Variants in SLC25A37 observed in about 807,000 individuals in gnomAD.
SLC25A37 encodes the protein mitoferrin-1.
SLC25A37 carries 17 observed loss-of-function variants against 31.0 expected under a neutral mutation model. The ratio of observed to expected loss-of-function variants is 0.55; its 90% CI spans 0.38 to 0.82. SLC25A37 has a LOEUF of 0.82. Among genes scored for constraint, SLC25A37 ranks in the 40% least tolerant of loss-of-function variants. The pLI, the probability that SLC25A37 is intolerant of heterozygous loss-of-function variation, is 0.00. For missense variants in SLC25A37, 404 were observed against 465.8 expected, an observed-to-expected ratio of 0.87 and a Z score of 1.22; for synonymous variants, 222 against 193.0, an observed-to-expected ratio of 1.15 and a Z score of -1.24.
intron 1 of SLC25A37, among the ~76,000 whole-genome samples, chr8:23,548,019 G>A (rs1465588187): frequency 1.3e-5 from 2 of 152,124 alleles, no homozygotes; most frequent in African/African-American, 4.8e-5. Context: ...CAGCACAGAT[G>A]GGGTTAGCCC....
intron 1 of SLC25A37, among the ~76,000 whole-genome samples, chr8:23,546,587 ATATATATATAGTGTATGTGTGTGTGTGTG>A (rs1802067589): frequency 1.5e-5 from 1 of 68,166 alleles, no homozygotes; most frequent in African/African-American, 9.7e-5. Context: ...TATATAGTGT[ATATATATATAGTGTATGTGTGTGTGTGTG>A]TGTGTATATA....
intron 1 of SLC25A37, among the ~76,000 whole-genome samples, chr8:23,544,309 T>A (rs1273773089): frequency 6.6e-6 from 1 of 152,196 alleles, no homozygotes; most frequent in African/African-American, 2.4e-5. Flanking sequence ...GTGCGGTAGC[T>A]ATCCCCTCTC....
intron 1 of SLC25A37, among the ~76,000 whole-genome samples, chr8:23,533,925 C>CTT (rs202088305): frequency 7.1e-6 from 1 of 141,060 alleles, no homozygotes; most frequent in African/African-American, 2.7e-5. Context: ...ATCTCTTTCT[C>CTT]TTTTTTTTCT....
rs560022680 is a variant in SLC25A37, at chr8:23,535,405, A to G, written c.210+6193A>G. Among the ~76,000 whole-genome samples the G allele has an allele frequency of 7.2e-5, 11 of 152,106 alleles. 1 individual carries two copies. Among genetic ancestry groups the G allele is most frequent in the Admixed American group, 3.3e-4 (5 of 15,282 alleles). On this transcript the variant is annotated intron_variant, in intron 1 of 3. Coordinates refer to ENST00000519973, the MANE Select transcript of SLC25A37 (RefSeq NM_016612.4). ...GGAAACCAGGACCTCAATCAAACCC[A>G]TCTTCCTGTCACTGTCCTTCCAAAC...
chr8:23,542,844 T>A (rs1245046329), intron 1 of SLC25A37, among the ~76,000 whole-genome samples: 1 of 152,050 alleles, frequency 6.6e-6, no homozygotes, highest in Non-Finnish European at 1.5e-5. Flanking sequence ...TCTGTAAGCC[T>A]AGGCTAATGT....
At chr8:23,551,114 C>G (rs1263776118) in intron 1 of SLC25A37, among the ~76,000 whole-genome samples, 1 of 152,242 alleles carries the variant, frequency 6.6e-6, no homozygotes, top group Non-Finnish European at 1.5e-5. Context: ...GTCAAAGGTC[C>G]CCAGAGCTGC....
chr8:23,534,288 GT>G (rs1801720714), intron 1 of SLC25A37, among the ~76,000 whole-genome samples: 1 of 152,070 alleles, frequency 6.6e-6, no homozygotes, highest in Non-Finnish European at 1.5e-5. Flanking sequence ...CTTCCCTAAA[GT>G]TCCCTCAACC....
At chr8:23,546,440 AT>A (rs1332139446) in intron 1 of SLC25A37, among the ~76,000 whole-genome samples, 4 of 149,422 alleles carry the variant, frequency 2.7e-5, no homozygotes, top group African/African-American at 4.9e-5. Flanking sequence ...GTGCTTAAAA[AT>A]TTTTTTTTCT....
At chr8:23,533,859 T>C (rs931488319) in intron 1 of SLC25A37, among the ~76,000 whole-genome samples, 1 of 152,248 alleles carries the variant, frequency 6.6e-6, no homozygotes, top group African/African-American at 2.4e-5. Context: ...GCTTTGCCAC[T>C]CCCATGCCCA....
intron 1 of SLC25A37, among the ~76,000 whole-genome samples, chr8:23,558,358 A>T (rs1325379666): frequency 1.3e-5 from 2 of 152,122 alleles, no homozygotes; most frequent in Non-Finnish European, 2.9e-5. Context: ...CCTGGATCAG[A>T]GGCTCCTTAC....
Position 23,529,100 on chromosome 8 carries a change from C to T in SLC25A37, c.98C>T (p.Ser33Leu), listed in dbSNP as rs1801606612. The change falls in exon 1 of 4, where the codon TCG becomes TTG. Residue 33 changes from serine to leucine, a missense_variant. Ser to Leu is a moderately radical substitution (Grantham distance 145, BLOSUM62 -2). This residue lies in a region of SLC25A37 where 154 missense variants were observed against 153.6 expected (regional missense o/e 1.00). Coordinates refer to ENST00000519973, the MANE Select transcript of SLC25A37 (RefSeq NM_016612.4). This position sits in a 1 kb window ranked among gnomAD's most constrained non-coding sequence, Gnocchi z 4.1. ...DGGGGKDATG[S>L]EDYENLPTSA... Reference sequence around the variant, plus strand: ...GGCGGCGGCAAGGACGCCACCGGGTCGGAGGACTACGAGAACCTGCCGACT... The same window carrying T: ...GGCGGCGGCAAGGACGCCACCGGGTTGGAGGACTACGAGAACCTGCCGACT... The T allele has an allele frequency of 6.2e-7, 1 of 1,607,988 alleles. No individual in the cohort carries two copies.
At chr8:23,536,150 T>G (rs919743098) in intron 1 of SLC25A37, among the ~76,000 whole-genome samples, 1 of 152,214 alleles carries the variant, frequency 6.6e-6, no homozygotes, top group Non-Finnish European at 1.5e-5. Context: ...TTAGGCTTCC[T>G]GCTCCATTGA....
intron 1 of SLC25A37, among the ~76,000 whole-genome samples, chr8:23,565,109 G>GC (rs1246280098): frequency 6.6e-6 from 1 of 152,162 alleles, no homozygotes; most frequent in East Asian, 1.9e-4. Flanking sequence ...GAGAGACCCA[G>GC]TTTTTTTCTC....
chr8:23,550,852 G>T (rs964601550), intron 1 of SLC25A37, among the ~76,000 whole-genome samples: 1 of 152,214 alleles, frequency 6.6e-6, no homozygotes, highest in Non-Finnish European at 1.5e-5. Flanking sequence ...CCCACGGGCT[G>T]GCGGGAGCCC....
At chr8:23,571,307 C>T (rs1206309650) in intron 3 of SLC25A37, 28 bp from the exon 4 acceptor site, 4 of 1,514,154 alleles carry the variant, frequency 2.6e-6, no homozygotes, top group Non-Finnish European at 3.5e-6. Flanking sequence ...GGCTGTCCGT[C>T]TGGCCTGCCC....
At chr8:23,545,818 G>A (rs1378288056) in intron 1 of SLC25A37, among the ~76,000 whole-genome samples, 2 of 151,994 alleles carry the variant, frequency 1.3e-5, no homozygotes, top group African/African-American at 4.8e-5. Context: ...TGGCAACGGA[G>A]CAAGACCCTA....
At chr8:23,533,426 G>A (rs1801700597) in intron 1 of SLC25A37, among the ~76,000 whole-genome samples, 1 of 152,214 alleles carries the variant, frequency 6.6e-6, no homozygotes, top group African/African-American at 2.4e-5. Flanking sequence ...CACCTGGAAG[G>A]GAGGAATGTG....
intron 1 of SLC25A37, among the ~76,000 whole-genome samples, chr8:23,554,203 A>G (rs1422525004): frequency 2.0e-5 from 3 of 152,158 alleles, no homozygotes; most frequent in African/African-American, 7.2e-5. Context: ...CTGGTTGCTA[A>G]TATTGCTGTT....
intron 2 of SLC25A37, chr8:23,567,735 A>T (rs1802702526): frequency 6.6e-6 from 1 of 150,836 alleles, no homozygotes; most frequent in African/African-American, 2.5e-5. Context: ...GCCTGACCCG[A>T]CTCTCAGATG....
Sources: allele counts gnomAD v4.1 joint callset (sites outside exome capture counted in the v4.1 genomes callset), GRCh38; gene constraint gnomAD v4.1.1; regional missense constraint gnomAD v4.1.1; non-coding constraint Gnocchi (gnomAD v3.1); transcripts MANE v1.5; gene names NCBI Gene and HGNC (gene_info 2026-07-23, HGNC 2026-07-21).